ST3GAL2: variants seen among roughly 807,000 people sequenced by gnomAD.
ST3GAL2 encodes the protein CMP-N-acetylneuraminate-beta-galactosamide-alpha-2,3-sialyltransferase 2.
A neutral mutation model predicts 37.5 loss-of-function variants in ST3GAL2; 16 were observed. The observed-to-expected ratio is 0.43, with a 90% CI of 0.29 to 0.65. The LOEUF (loss-of-function observed/expected upper bound fraction) is 0.65. Ranked by LOEUF, ST3GAL2 falls within the 30% of genes least tolerant of loss-of-function variation. ST3GAL2 has a pLI of 0.17. For missense variants in ST3GAL2, 383 were observed against 487.8 expected (o/e 0.79, Z 2.02); for synonymous variants, 238 against 202.9 (o/e 1.17, Z -1.47).
In ST3GAL2 at chr16:70,381,608, T is replaced by C; in HGVS notation, c.*81A>G. The C allele has an allele frequency of 6.6e-7, 1 of 1,524,162 alleles. No individual in the cohort carries two copies. The highest frequency in any genetic ancestry group is 8.8e-7 in the Non-Finnish European group (1 of 1,132,680). The allele number at this position is 1,524,162 out of a possible 1,614,324, so 94.4% of individuals were successfully genotyped here. A position where few individuals can be genotyped will look rare whatever the true frequency, so the allele number is the denominator to read the frequency against. On this transcript the variant is annotated 3_prime_UTR_variant, in exon 7 of 7. Coordinates refer to ENST00000342907, the MANE Select transcript of ST3GAL2 (RefSeq NM_006927.4). Reference sequence around the variant, plus strand: ...CGCCCCTGGGCTGCAGCATGATTGGTCGCGGGTTGCTGGTCCTGGGTCCCG... The same window carrying C: ...CGCCCCTGGGCTGCAGCATGATTGGCCGCGGGTTGCTGGTCCTGGGTCCCG...
In ST3GAL2 at chr16:70,395,170, C is replaced by A. The variant is rs1364872785; in HGVS notation, c.345G>T (p.Leu115=). The stretch of plus-strand genomic sequence containing the variant: ...TGTTGTGTGACTTGAACTGGGGCTG[C>A]AGCATCTGTGGAAGGGAGGGGAAGA... ...PPDVQRWWMM[L]QPQFKSHNTN... The change falls in exon 3 of 7, where the codon CTG becomes CTT. Residue 115 remains leucine (L), a synonymous_variant. Coordinates refer to ENST00000342907, the MANE Select transcript of ST3GAL2 (RefSeq NM_006927.4). 1.9e-6 allele frequency: 3 copies of A among 1,597,482 alleles called. No individual in the cohort carries two copies. Among genetic ancestry groups the A allele is most frequent in the Non-Finnish European group, 2.6e-6 (3 of 1,170,986 alleles).
chr16:70,409,137 G>A (rs1036040883), intron 1 of ST3GAL2, among the ~76,000 whole-genome samples: 4 of 151,948 alleles, frequency 2.6e-5, no homozygotes, highest in Admixed American at 6.6e-5. Context: ...ATGAAGTAAC[G>A]TCTAGAAAAA....
At chr16:70,385,375 G>A (rs1382719943) in intron 4 of ST3GAL2, among the ~76,000 whole-genome samples, 2 of 152,170 alleles carry the variant, frequency 1.3e-5, no homozygotes, top group African/African-American at 4.8e-5. Flanking sequence ...GTTACCTGGG[G>A]TTGAGGGGAG....
chr16:70,418,058 G>A (rs1479058139), intron 1 of ST3GAL2, among the ~76,000 whole-genome samples: 1 of 152,140 alleles, frequency 6.6e-6, no homozygotes. Flanking sequence ...GAGCTGTCAG[G>A]GTCCTCTTTT....
chr16:70,391,863 C>A (rs559998672), intron 3 of ST3GAL2, among the ~76,000 whole-genome samples: 2 of 152,242 alleles, frequency 1.3e-5, no homozygotes, highest in African/African-American at 2.4e-5. Context: ...CTCGCCTCAG[C>A]CTCCCAATGT....
intron 1 of ST3GAL2, among the ~76,000 whole-genome samples, chr16:70,406,452 A>C (rs951103395): frequency 2.0e-5 from 3 of 149,624 alleles, no homozygotes; most frequent in Non-Finnish European, 4.5e-5. Context: ...TGGAGGTTGC[A>C]ATGAGCCGAG....
intron 3 of ST3GAL2, 133 bp from the exon 4 acceptor site, chr16:70,388,679 A>G (rs1243595456): frequency 2.1e-6 from 2 of 951,714 alleles, no homozygotes; most frequent in Non-Finnish European, 1.5e-6. Flanking sequence ...CCATTGCTAG[A>G]AATCTGCCCT....
At chr16:70,381,954 G>T in intron 6 of ST3GAL2, 92 bp from the exon 7 acceptor site, 4 of 1,538,006 alleles carry the variant, frequency 2.6e-6, no homozygotes, top group Admixed American at 1.8e-5. Context: ...GAGGGGACGG[G>T]AGGCCCCGGG....
intron 2 of ST3GAL2, among the ~76,000 whole-genome samples, chr16:70,397,043 C>CT (rs35885469): frequency 0.56 from 72,342 of 129,948 alleles, 21,298 homozygotes; most frequent in Middle Eastern, 0.64. Context: ...TCTTTTCTTT[C>CT]TTTTTTTTTT....
intron 1 of ST3GAL2, among the ~76,000 whole-genome samples, chr16:70,420,457 G>A (rs945253504): frequency 1.3e-5 from 2 of 152,204 alleles, no homozygotes; most frequent in African/African-American, 4.8e-5. Flanking sequence ...AGATCTGACT[G>A]CAGGGTGGTC....
At position 70,398,584 on chromosome 16, in the gene ST3GAL2, AGGGGCCAGCCAC is replaced by A; in HGVS notation, c.-66_-55del. ...TGGCCACTCTTTTCCCAGCCCGCTG[AGGGGCCAGCCAC>A]GGCGTAGCCTGCCTATTCTGGCACC... is the stretch of plus-strand genomic sequence containing the variant. On this transcript the variant is annotated 5_prime_UTR_variant, in exon 2 of 7. Transcript: ENST00000342907. 1 of 1,501,998 alleles carries A rather than the reference AGGGGCCAGCCAC, an allele frequency of 6.7e-7. No homozygotes were observed. 93.0% of individuals were successfully genotyped at this position (1,501,998 alleles called of 1,614,324 possible). A position where few individuals can be genotyped will look rare whatever the true frequency, so the allele number is the denominator to read the frequency against.
At chr16:70,390,369 G>A (rs1356642639) in intron 3 of ST3GAL2, among the ~76,000 whole-genome samples, 1 of 152,176 alleles carries the variant, frequency 6.6e-6, no homozygotes, top group Admixed American at 6.5e-5. Context: ...CACCAGGCCT[G>A]GCCTTTTATA....
intron 3 of ST3GAL2, 103 bp downstream of exon 3, chr16:70,394,879 A>G (rs2047504625): frequency 3.0e-6 from 4 of 1,349,730 alleles, no homozygotes; most frequent in Non-Finnish European, 4.1e-6. Context: ...CCCACAGCAC[A>G]CCGGTAGCTG....
chr16:70,435,023 G>A (rs2047815601), intron 1 of ST3GAL2, among the ~76,000 whole-genome samples: 2 of 152,210 alleles, frequency 1.3e-5, no homozygotes, highest in Admixed American at 1.3e-4. Flanking sequence ...TTACTTGGCA[G>A]GCACCCCAAC....
At chr16:70,410,072 A>T (rs1485140231) in intron 1 of ST3GAL2, among the ~76,000 whole-genome samples, 5 of 151,186 alleles carry the variant, frequency 3.3e-5, no homozygotes, top group Admixed American at 3.3e-4. Flanking sequence ...CAGTCCTCAG[A>T]CTTCTTTGCT....
chr16:70,391,005 T>C (rs2047478781), intron 3 of ST3GAL2, among the ~76,000 whole-genome samples: 1 of 152,148 alleles, frequency 6.6e-6, no homozygotes, highest in Non-Finnish European at 1.5e-5. Context: ...GGGAGCGCAG[T>C]CTCTAGGTGG....
chr16:70,431,043 T>C (rs796450487), intron 1 of ST3GAL2, among the ~76,000 whole-genome samples: 104 of 149,916 alleles, frequency 6.9e-4, no homozygotes, highest in African/African-American at 2.3e-3. Flanking sequence ...ATTCTACTAA[T>C]GTCCCTTGCA....
intron 1 of ST3GAL2, among the ~76,000 whole-genome samples, chr16:70,413,839 G>C (rs970305951): frequency 3.9e-5 from 6 of 152,128 alleles, no homozygotes; most frequent in African/African-American, 1.4e-4. Context: ...CTACTGTCCA[G>C]CTGTGGATTC....
chr16:70,381,883 G>C (rs1205917293), intron 6 of ST3GAL2, 21 bp from the exon 7 acceptor site: 2 of 1,611,680 alleles, frequency 1.2e-6, no homozygotes, highest in East Asian at 2.2e-5. Flanking sequence ...GCGCAGCGGA[G>C]CGTCACCCCA....
Sources: allele counts gnomAD v4.1 joint callset (sites outside exome capture counted in the v4.1 genomes callset), GRCh38; gene constraint gnomAD v4.1.1; transcripts MANE v1.5; gene names NCBI Gene and HGNC (gene_info 2026-07-23, HGNC 2026-07-21).